The following RBFOX1 variants were observed in gnomAD, a reference collection of about 807,000 sequenced individuals.
The protein encoded by RBFOX1 is RNA binding protein fox-1 homolog 1.
A neutral mutation model predicts 57.7 loss-of-function variants in RBFOX1; 8 were observed. The ratio of observed to expected loss-of-function variants is 0.14; its 90% CI spans 0.08 to 0.25. RBFOX1 has a LOEUF of 0.25. Among genes scored for constraint, RBFOX1 ranks in the 10% least tolerant of loss-of-function variants. The pLI, the probability that RBFOX1 is intolerant of heterozygous loss-of-function variation, is 1.00. For synonymous variants in RBFOX1, 326 were observed against 222.4 expected (o/e 1.47, Z -4.15); for missense variants, 611 against 548.5 (o/e 1.11, Z -1.14).
intron 1 of RBFOX1, among the ~76,000 whole-genome samples, chr16:6,162,429 T>G (rs1450224430): frequency 6.6e-6 from 1 of 152,138 alleles, no homozygotes; most frequent in Non-Finnish European, 1.5e-5. Context: ...TTTCTGTATT[T>G]TAACAGGAAG....
chr16:6,411,714 C>T (rs1398246889), intron 2 of RBFOX1, among the ~76,000 whole-genome samples: 1 of 152,202 alleles, frequency 6.6e-6, no homozygotes. Flanking sequence ...ATGCTCTCAG[C>T]TTTTATTATT....
chr16:6,758,495 C>T lies in RBFOX1; in HGVS notation c.-16+103845C>T, dbSNP rs748054468. On this transcript the variant is annotated intron_variant, in intron 3 of 15. Transcript: ENST00000550418. ...CAGAGCCTTGGCACTGATTAATTGA[C>T]GTGAGAGTCCAGCCTAGAATACATT... Among the ~76,000 whole-genome samples the T allele has an allele frequency of 8.5e-5, 13 of 152,148 alleles. No individual in the cohort carries two copies. The East Asian group carries it at 1.4e-3, about 16-fold the overall frequency.
At chr16:7,120,295 C>A (rs2066825558) in intron 4 of RBFOX1, among the ~76,000 whole-genome samples, 1 of 151,412 alleles carries the variant, frequency 6.6e-6, no homozygotes, top group Admixed American at 6.6e-5. Context: ...AAAAGCAAAT[C>A]AAAAACTAAT....
intron 2 of RBFOX1, among the ~76,000 whole-genome samples, chr16:5,538,930 G>A (rs1597446491): frequency 7.3e-6 from 1 of 137,354 alleles, no homozygotes; most frequent in Non-Finnish European, 1.7e-5. Flanking sequence ...TATATCTAGG[G>A]TAACTGCTGG....
chr16:6,112,055 A>G (rs990510089), intron 1 of RBFOX1, among the ~76,000 whole-genome samples: 1 of 152,178 alleles, frequency 6.6e-6, no homozygotes, highest in African/African-American at 2.4e-5. Flanking sequence ...GATTGAATGA[A>G]GTATTTCACA....
chr16:6,715,518 T>G (rs1477235930), intron 3 of RBFOX1, among the ~76,000 whole-genome samples: 1 of 152,150 alleles, frequency 6.6e-6, no homozygotes. Flanking sequence ...CCCAACCAAT[T>G]TATTCTCTAA....
At chr16:5,814,564 C>T (rs1204788574) in intron 3 of RBFOX1, among the ~76,000 whole-genome samples, 1 of 152,218 alleles carries the variant, frequency 6.6e-6, no homozygotes, top group Non-Finnish European at 1.5e-5. Flanking sequence ...TGCCCAAGGT[C>T]ATGAAAGTAG....
intron 4 of RBFOX1, among the ~76,000 whole-genome samples, chr16:5,888,504 T>A (rs566372452): frequency 6.6e-6 from 1 of 152,116 alleles, no homozygotes; most frequent in South Asian, 2.1e-4. Context: ...TTAAAAAAAA[T>A]AGTTGTTGAG....
intron 14 of RBFOX1, among the ~76,000 whole-genome samples, chr16:7,696,826 A>G (rs947838844): frequency 3.9e-5 from 6 of 152,182 alleles, no homozygotes; most frequent in African/African-American, 1.4e-4. Context: ...AGGGGGTAAC[A>G]TTTGAGCAGG....
intron 5 of RBFOX1, among the ~76,000 whole-genome samples, chr16:7,565,085 C>T (rs143794882): frequency 1.3e-3 from 205 of 152,236 alleles, no homozygotes; most frequent in African/African-American, 4.6e-3. Flanking sequence ...TCTGCACGAG[C>T]CCCGTTTTGA....
At chr16:5,935,268 T>G (rs933904626) in intron 4 of RBFOX1, among the ~76,000 whole-genome samples, 10 of 152,174 alleles carry the variant, frequency 6.6e-5, no homozygotes, top group African/African-American at 2.4e-4. Context: ...TTGAAAAGAT[T>G]GTTACTCATG....
chr16:5,959,366 C>T (rs1045317212), intron 4 of RBFOX1, among the ~76,000 whole-genome samples: 2 of 152,106 alleles, frequency 1.3e-5, no homozygotes, highest in African/African-American at 2.4e-5. Flanking sequence ...TTTCTCAGGC[C>T]CCAAAGGTCA....
At chr16:5,733,856 G>A (rs9934123) in intron 3 of RBFOX1, among the ~76,000 whole-genome samples, 33,586 of 151,224 alleles carry the variant, frequency 0.22, 5,166 homozygotes, top group African/African-American at 0.43. Context: ...CCTGGGATGC[G>A]TCTTCTTTTC....
chr16:7,382,003 A>T (rs139531307), intron 4 of RBFOX1, among the ~76,000 whole-genome samples: 9 of 152,288 alleles, frequency 5.9e-5, no homozygotes, highest in African/African-American at 2.2e-4. Flanking sequence ...CTTTTACGCG[A>T]TTGGATTCTT....
At chr16:7,500,845 G>C (rs775834267) in intron 4 of RBFOX1, among the ~76,000 whole-genome samples, 1 of 152,134 alleles carries the variant, frequency 6.6e-6, no homozygotes, top group African/African-American at 2.4e-5. Flanking sequence ...CCCATGTCTC[G>C]TGAGAGGGAC....
intron 1 of RBFOX1, among the ~76,000 whole-genome samples, chr16:6,145,056 T>G (rs1383334838): frequency 6.6e-6 from 1 of 152,114 alleles, no homozygotes; most frequent in Non-Finnish European, 1.5e-5. Flanking sequence ...ACTTTAAAGT[T>G]CATGGGCACA....
At chr16:7,519,559 A>G (rs2077084279) in intron 5 of RBFOX1, 1 of 267,898 alleles carries the variant, frequency 3.7e-6, no homozygotes, top group South Asian at 1.4e-4. Context: ...GAAAATATTT[A>G]TCATAAAATT....
At chr16:5,310,470 A>G (rs2064056901) in intron 1 of RBFOX1, among the ~76,000 whole-genome samples, 1 of 152,090 alleles carries the variant, frequency 6.6e-6, no homozygotes, top group African/African-American at 2.4e-5. Context: ...TTTTCCAGGT[A>G]TAGTGAACTC....
At chr16:6,520,484 G>C (rs1470275879) in intron 2 of RBFOX1, among the ~76,000 whole-genome samples, 1 of 152,004 alleles carries the variant, frequency 6.6e-6, no homozygotes, top group Admixed American at 6.6e-5. Context: ...CTGTACACTT[G>C]GTAAAAATCA....
Sources: gnomAD v4.1 joint callset for allele counts (sites outside exome capture counted in the v4.1 genomes callset) on GRCh38, gnomAD v4.1.1 for gene constraint, MANE v1.5 for transcripts, NCBI Gene and HGNC (gene_info 2026-07-23, HGNC 2026-07-21) for gene names.